OR2I1: variants seen among roughly 807,000 people sequenced by gnomAD.
OR2I1 encodes putative olfactory receptor 2I1.
chr6:29,554,007 G>T, the OR2I1 span: 1 of 398,878 alleles, frequency 2.5e-6, no homozygotes, highest in East Asian at 3.6e-5. Context: ...TGCAGCCCGC[G>T]CAGCGCTACA....
chr6:29,552,792 T>A, the OR2I1 span: 2 of 154,376 alleles, frequency 1.3e-5, no homozygotes, highest in African/African-American at 4.8e-5. Flanking sequence ...TTAAGTTCTG[T>A]GTTTCTTTAA....
the OR2I1 span, chr6:29,557,664 A>G: frequency 6.6e-6 from 1 of 152,196 alleles, no homozygotes; most frequent in African/African-American, 2.4e-5. Flanking sequence ...TTCCTCCTGC[A>G]AAGTGCTTGC....
the OR2I1 span, chr6:29,553,009 A>AC: frequency 5.8e-4 from 220 of 378,562 alleles, 2 homozygotes; most frequent in South Asian, 0.011. Flanking sequence ...AGTGTTGGCC[A>AC]GGCCAAGCTT....
the OR2I1 span, chr6:29,553,246 C>T: frequency 7.5e-6 from 3 of 398,774 alleles, no homozygotes; most frequent in African/African-American, 4.1e-5. Flanking sequence ...CGCAGAGGAG[C>T]GCTTTCTCCT....
chr6:29,557,111 CA>C, the OR2I1 span: 3 of 152,138 alleles, frequency 2.0e-5, no homozygotes, highest in Non-Finnish European at 4.4e-5. Flanking sequence ...AATAAGATAG[CA>C]AATTATAAAC....
chr6:29,553,335 G>C, the OR2I1 span: 1 of 399,308 alleles, frequency 2.5e-6, no homozygotes, highest in African/African-American at 2.1e-5. Flanking sequence ...TGACCTTGAC[G>C]GGCAACTCGG....
At chr6:29,556,170 T>C in the OR2I1 span, 7 of 1,612,962 alleles carry the variant, frequency 4.3e-6, no homozygotes, top group Admixed American at 1.0e-4. Context: ...GTCTTCTCTT[T>C]GTCAATGCCA....
At chr6:29,556,471 A>T in the OR2I1 span, 3 of 660,274 alleles carry the variant, frequency 4.5e-6, no homozygotes, top group African/African-American at 3.6e-5. Flanking sequence ...CCTATTCAGT[A>T]GCCAGTGTCC....
At chr6:29,556,573 C>A in the OR2I1 span, 1 of 518,722 alleles carries the variant, frequency 1.9e-6, no homozygotes, top group Non-Finnish European at 3.4e-6. Context: ...ACCTTTTTTT[C>A]GATCTTGAGA....
chr6:29,555,912 G>A, the OR2I1 span: 1 of 1,613,058 alleles, frequency 6.2e-7, no homozygotes, highest in East Asian at 2.2e-5. Flanking sequence ...GCCAGGAAGA[G>A]TAAGTTGCCC....
chr6:29,553,294 C>T, the OR2I1 span: 5 of 399,072 alleles, frequency 1.3e-5, no homozygotes, highest in Admixed American at 4.4e-5. Context: ...GCAGCCGGTC[C>T]TCTTCGCCCT....
chr6:29,556,270 A>G, the OR2I1 span: 11 of 1,612,898 alleles, frequency 6.8e-6, no homozygotes, highest in African/African-American at 6.7e-5. Flanking sequence ...TAGACCGGAC[A>G]TGTTCTTTGA....
At chr6:29,556,247 G>A in the OR2I1 span, 1 of 1,613,082 alleles carries the variant, frequency 6.2e-7, no homozygotes, top group Non-Finnish European at 8.5e-7. Flanking sequence ...GTCCTGCACA[G>A]GAACCTTGGT....
the OR2I1 span, chr6:29,555,258 G>A: frequency 6.6e-6 from 1 of 152,370 alleles, no homozygotes; most frequent in Non-Finnish European, 1.5e-5. Flanking sequence ...GAGACATAGA[G>A]AATAAAAGGG....
the OR2I1 span, chr6:29,553,028 G>C: frequency 5.2e-6 from 2 of 388,244 alleles, no homozygotes; most frequent in Non-Finnish European, 9.1e-6. Flanking sequence ...TTGGAGTGTT[G>C]CTCTTATTCT....
At chr6:29,553,587 C>G in the OR2I1 span, 1 of 398,246 alleles carries the variant, frequency 2.5e-6, no homozygotes, top group African/African-American at 2.1e-5. Context: ...ACCGCGCGGC[C>G]GCAGTGTGCC....
chr6:29,551,221 A>G, the OR2I1 span, among the ~76,000 whole-genome samples: 4 of 152,220 alleles, frequency 2.6e-5, no homozygotes, highest in Non-Finnish European at 5.9e-5. Flanking sequence ...TCTAGCCACC[A>G]TTGGTCTGTA....
At chr6:29,554,060 T>A in the OR2I1 span, 1 of 398,874 alleles carries the variant, frequency 2.5e-6, no homozygotes, top group Non-Finnish European at 4.4e-6. Context: ...TACACCGTGG[T>A]CACACCTGCT....
chr6:29,553,563 G>T, the OR2I1 span: 1 of 398,436 alleles, frequency 2.5e-6, no homozygotes, highest in Non-Finnish European at 4.4e-6. Flanking sequence ...TCCTCCTGGC[G>T]GTGATGGCTC....
Sources: allele counts gnomAD v4.1 joint callset (sites outside exome capture counted in the v4.1 genomes callset), GRCh38; gene constraint gnomAD v4.1.1; transcripts MANE v1.5; gene names NCBI Gene and HGNC (gene_info 2026-07-23, HGNC 2026-07-21).